MCPH1: variants seen among roughly 807,000 people sequenced by gnomAD.
MCPH1 encodes microcephalin 1, also known as microcephalin.
MCPH1 carries 104 observed loss-of-function variants against 84.5 expected under a neutral mutation model. That is an observed-to-expected ratio of 1.23 (90% CI 1.05 to 1.45). The LOEUF (loss-of-function observed/expected upper bound fraction) is 1.45. Ranked by LOEUF, MCPH1 falls within the 40% of genes most tolerant of loss-of-function variation. The pLI is 0.00. For synonymous variants in MCPH1, 514 were observed against 366.8 expected, an observed-to-expected ratio of 1.40 and a Z score of -4.58; for missense variants, 1,498 against 1,005.7, an observed-to-expected ratio of 1.49 and a Z score of -6.62.
chr8:6,631,850 A>T (rs945206183), intron 13 of MCPH1, among the ~76,000 whole-genome samples: 3 of 152,220 alleles, frequency 2.0e-5, no homozygotes, highest in Non-Finnish European at 4.4e-5. Context: ...ATGCCAAAAA[A>T]ATTGAAAGCA....
Position 6,430,602 on chromosome 8 carries a change from G to A in MCPH1, c.234-897G>A, listed in dbSNP as rs536483182. 3.3e-5 allele frequency among the ~76,000 whole-genome samples: 5 copies of A among 152,218 alleles called. No individual in the cohort carries two copies. In the East Asian group the frequency reaches 7.7e-4, roughly 23 times the overall value. On this transcript the variant is annotated intron_variant, in intron 3 of 13. Transcript: ENST00000344683. ...GAAATTTCTATATCAATATGGATAT[G>A]TGTTTTTTATTGCAGTGTACTTTAT...
intron 13 of MCPH1, among the ~76,000 whole-genome samples, chr8:6,632,303 G>T (rs980784608): frequency 6.6e-6 from 1 of 152,192 alleles, no homozygotes; most frequent in Non-Finnish European, 1.5e-5. Context: ...TCATGCCACT[G>T]AAGTGGACAC....
At chr8:6,460,941 C>G (rs2129557412) in intron 9 of MCPH1, among the ~76,000 whole-genome samples, 1 of 152,296 alleles carries the variant, frequency 6.6e-6, no homozygotes, top group East Asian at 1.9e-4. Flanking sequence ...TTTCAAACTA[C>G]TTAGTCCACC....
In MCPH1 at chr8:6,645,606, C is replaced by CAAAAA. The variant is rs34907559; in HGVS notation, c.*2573_*2577dup. 2.1e-4 allele frequency: 11 copies of CAAAAA among 51,738 alleles called. No individual in the cohort carries two copies. The highest frequency in any genetic ancestry group is 9.7e-4 in the East Asian group (2 of 2,052). 3.2% of individuals were successfully genotyped at this position (51,738 alleles called of 1,614,324 possible). ...CTATGTATAGAAATTGTAAGGAATG[C>CAAAAA]AAAAAAAAAAAAAAAAAAAAGCCCT... On this transcript the variant is annotated 3_prime_UTR_variant, in exon 14 of 14. Transcript: ENST00000344683.
chr8:6,463,968 G>A (rs937356619), intron 9 of MCPH1, among the ~76,000 whole-genome samples: 1 of 152,178 alleles, frequency 6.6e-6, no homozygotes, highest in Non-Finnish European at 1.5e-5. Flanking sequence ...CTCATCCAAA[G>A]GACAGGTGAT....
At chr8:6,517,502 T>C (rs1024508372) in intron 12 of MCPH1, among the ~76,000 whole-genome samples, 3 of 152,196 alleles carry the variant, frequency 2.0e-5, no homozygotes, top group African/African-American at 7.2e-5. Context: ...GCTGCAGTAT[T>C]TTGGCCTTTC....
intron 12 of MCPH1, chr8:6,507,616 C>T (rs1814040701): frequency 6.8e-6 from 1 of 147,022 alleles, no homozygotes; most frequent in Non-Finnish European, 1.5e-5. Flanking sequence ...TTGCTCTGTC[C>T]CCCAGGCTGG....
intron 12 of MCPH1, among the ~76,000 whole-genome samples, chr8:6,505,396 T>TAA (rs1563306810): frequency 7.2e-5 from 4 of 55,796 alleles, no homozygotes; most frequent in Admixed American, 2.1e-4. Flanking sequence ...TATATGTATA[T>TAA]AGAATATATA....
intron 12 of MCPH1, chr8:6,532,574 TAAAA>T (rs10662997): frequency 6.8e-5 from 40 of 590,390 alleles, no homozygotes; most frequent in South Asian, 1.3e-4. Flanking sequence ...TCCCTATCTT[TAAAA>T]AAAAAAAAAA....
chr8:6,418,656 C>T (rs1328058252), intron 3 of MCPH1, among the ~76,000 whole-genome samples: 2 of 152,216 alleles, frequency 1.3e-5, no homozygotes, highest in South Asian at 2.1e-4. Context: ...GATCTGTGCT[C>T]ACTGCAACCT....
At chr8:6,604,226 C>G (rs984256187) in intron 12 of MCPH1, among the ~76,000 whole-genome samples, 3 of 151,964 alleles carry the variant, frequency 2.0e-5, no homozygotes, top group African/African-American at 7.2e-5. Flanking sequence ...CTCCATGGAG[C>G]CATCCCAGAC....
In MCPH1 at chr8:6,621,555, G is replaced by A. The variant is rs1831417504; in HGVS notation, c.2316G>A (p.Val772=). 1.9e-6 allele frequency: 3 copies of A among 1,614,078 alleles called. No homozygotes were observed. Among genetic ancestry groups the A allele is most frequent in the African/African-American group, 1.3e-5 (1 of 74,934 alleles). ...TCTCGCCTGCCAGCAGCCCCCCAGT[G>A]GCCAAGCTCTGTGAACTAGTCCACC... The part of the protein sequence containing the change: ...MFVSPASSPP[V]AKLCELVHLC... The change falls in exon 13 of 14, where the codon GTG becomes GTA. Residue 772 remains valine, a synonymous_variant. Transcript: ENST00000344683.
chr8:6,507,041 G>T (rs952201594), intron 12 of MCPH1, among the ~76,000 whole-genome samples: 1 of 152,040 alleles, frequency 6.6e-6, no homozygotes, highest in Non-Finnish European at 1.5e-5. Context: ...GGGATTACAG[G>T]CGTATGCCAC....
intron 12 of MCPH1, among the ~76,000 whole-genome samples, chr8:6,537,968 C>G (rs1366359992): frequency 6.6e-6 from 1 of 152,068 alleles, no homozygotes; most frequent in East Asian, 1.9e-4. Flanking sequence ...TGGACAAAAA[C>G]TAATTAATCA....
chr8:6,562,245 G>A (rs1243328582), intron 12 of MCPH1, among the ~76,000 whole-genome samples: 1 of 152,070 alleles, frequency 6.6e-6, no homozygotes, highest in Non-Finnish European at 1.5e-5. Context: ...GGGCTGCTGC[G>A]GCTCACAGCC....
chr8:6,577,284 C>T (rs1827201959), intron 12 of MCPH1, among the ~76,000 whole-genome samples: 1 of 152,188 alleles, frequency 6.6e-6, no homozygotes, highest in Non-Finnish European at 1.5e-5. Context: ...TTCATGGGGC[C>T]TTTCCCTTCC....
intron 12 of MCPH1, among the ~76,000 whole-genome samples, chr8:6,536,857 GTC>G (rs1820593604): frequency 6.6e-6 from 1 of 151,194 alleles, no homozygotes; most frequent in Non-Finnish European, 1.5e-5. Flanking sequence ...GTCCTAGAAT[GTC>G]TTTCTGTTTA....
intron 12 of MCPH1, among the ~76,000 whole-genome samples, chr8:6,585,063 C>A (rs1186757440): frequency 8.5e-5 from 13 of 152,354 alleles, no homozygotes; most frequent in Admixed American, 7.2e-4. Context: ...TAAGTATAAA[C>A]TATTCTCTAG....
intron 13 of MCPH1, among the ~76,000 whole-genome samples, chr8:6,623,241 T>A (rs1831663101): frequency 6.6e-6 from 1 of 151,984 alleles, no homozygotes; most frequent in Admixed American, 6.6e-5. Context: ...GACATCGACA[T>A]ACGAATTTTG....
Sources: allele counts gnomAD v4.1 joint callset (sites outside exome capture counted in the v4.1 genomes callset), GRCh38; gene constraint gnomAD v4.1.1; transcripts MANE v1.5; gene names NCBI Gene and HGNC (gene_info 2026-07-23, HGNC 2026-07-21).